MANBA: variants seen among roughly 807,000 people sequenced by gnomAD.
The protein encoded by MANBA is beta-mannosidase.
In MANBA, 83 loss-of-function variants were observed where a neutral mutation model predicts 111.1. The observed-to-expected ratio is 0.75, with a 90% CI of 0.63 to 0.90. The LOEUF (loss-of-function observed/expected upper bound fraction) is 0.90. MANBA is among the 40% of genes least tolerant of loss of function. The pLI is 0.00. For missense variants in MANBA, 1,036 were observed against 1,069.0 expected, an observed-to-expected ratio of 0.97 and a Z score of 0.43; for synonymous variants, 370 against 378.7, an observed-to-expected ratio of 0.98 and a Z score of 0.27.
intron 12 of MANBA, among the ~76,000 whole-genome samples, chr4:102,655,103 A>C (rs1303673021): frequency 1.3e-5 from 2 of 152,200 alleles, no homozygotes; most frequent in Middle Eastern, 3.2e-3. Context: ...AGCGTCAGGA[A>C]GAATAAAACA....
At chr4:102,700,185 C>A (rs1293194757) in intron 5 of MANBA, among the ~76,000 whole-genome samples, 2 of 150,704 alleles carry the variant, frequency 1.3e-5, no homozygotes, top group African/African-American at 4.9e-5. Flanking sequence ...GTTTGTATTT[C>A]TGTGGGATCG....
intron 1 of MANBA, among the ~76,000 whole-genome samples, chr4:102,760,279 C>T (rs1316861373): frequency 6.6e-6 from 1 of 152,124 alleles, no homozygotes; most frequent in Non-Finnish European, 1.5e-5. Context: ...CGCTTAACAG[C>T]GAAAATAAAA....
In MANBA at chr4:102,714,538, G is replaced by C. The variant is rs1447425009; in HGVS notation, c.573C>G (p.Asp191Glu). 1 of 1,608,676 alleles carries C rather than the reference G, an allele frequency of 6.2e-7. No homozygotes were observed. Among genetic ancestry groups the C allele is most frequent in the African/African-American group, 1.3e-5 (1 of 74,756 alleles). Residue 191 changes from aspartate (D) to glutamate (E), a missense_variant, in exon 5 of 17, where the codon GAC (aspartate) becomes GAG (glutamate). Asp to Glu is a conservative substitution (Grantham distance 45, BLOSUM62 2). Transcript: ENST00000647097. ...VRKEQCSFSW[D>E]WGPSFPTQGI... ...CCTGGGTAGGAAAGGAAGGCCCCCA[G>C]TCCCAACTAAAGGAACATTGCTCCT...
chr4:102,733,896 G>A (rs1342187926), intron 1 of MANBA, among the ~76,000 whole-genome samples: 2 of 152,134 alleles, frequency 1.3e-5, no homozygotes, highest in Non-Finnish European at 2.9e-5. Context: ...CTTTTGACAT[G>A]GAAAAGAAAA....
In MANBA at chr4:102,722,958, C is replaced by T. The variant is rs1722643272; in HGVS notation, c.462G>A (p.Gln154=). 5 of 1,614,140 alleles carry T rather than the reference C, an allele frequency of 3.1e-6. No homozygotes were observed. The East Asian group carries it at 1.1e-4, about 36-fold the overall frequency. Residue 154 remains glutamine (Q), a synonymous_variant, in exon 4 of 17, where the codon CAG becomes CAA. Coordinates refer to ENST00000647097, the MANE Select transcript of MANBA (RefSeq NM_005908.4). ...FQSAVLYAAQ[Q]SKAHTRYQVP... ...CCTGGTAGCGAGTGTGAGCTTTGCT[C>T]TGCTGTGCTGCATACAACACCGCTG...
intron 14 of MANBA, 91 bp downstream of exon 14, chr4:102,639,622 T>G: frequency 6.5e-7 from 1 of 1,543,756 alleles, no homozygotes; most frequent in Non-Finnish European, 8.9e-7. Context: ...CTGCCTGGGC[T>G]AATCTGACCC....
intron 11 of MANBA, 82 bp downstream of exon 11, chr4:102,664,603 G>T: frequency 8.0e-7 from 1 of 1,246,302 alleles, no homozygotes; most frequent in Non-Finnish European, 1.2e-6. Context: ...CTCCCAAAGT[G>T]CTGGGATTAC....
At chr4:102,753,851 G>A (rs1045884625) in intron 1 of MANBA, 1 of 378,818 alleles carries the variant, frequency 2.6e-6, no homozygotes, top group Non-Finnish European at 5.2e-6. Context: ...GACAGGCCGA[G>A]GTGGGCGGAT....
intron 7 of MANBA, chr4:102,682,887 G>A (rs1732048176): frequency 6.6e-6 from 1 of 152,162 alleles, no homozygotes; most frequent in Non-Finnish European, 1.5e-5. Flanking sequence ...CCAAGACTGT[G>A]AGAAAATAAA....
At chr4:102,656,919 G>A (rs534831107) in intron 12 of MANBA, among the ~76,000 whole-genome samples, 67 of 152,268 alleles carry the variant, frequency 4.4e-4, no homozygotes, top group Non-Finnish European at 7.1e-4. Context: ...AAACTGGGGA[G>A]GAGGGATAGG....
At chr4:102,688,497 T>A (rs1170366013) in intron 7 of MANBA, among the ~76,000 whole-genome samples, 2 of 151,958 alleles carry the variant, frequency 1.3e-5, no homozygotes, top group South Asian at 2.1e-4. Context: ...CATATCTCCA[T>A]CCTTAGCATG....
At chr4:102,670,801 G>A (rs1315747841) in intron 9 of MANBA, 2 of 153,378 alleles carry the variant, frequency 1.3e-5, no homozygotes, top group Non-Finnish European at 2.9e-5. Flanking sequence ...GGGTGGAGGA[G>A]GGTGCAGTAA....
intron 1 of MANBA, chr4:102,751,990 G>A (rs1157805900): frequency 2.7e-6 from 2 of 728,158 alleles, no homozygotes; most frequent in Non-Finnish European, 5.2e-6. Context: ...TATAGCTGTT[G>A]ATAGCTCAGG....
At chr4:102,722,756 T>A in intron 4 of MANBA, 115 bp downstream of exon 4, 1 of 1,053,670 alleles carries the variant, frequency 9.5e-7, no homozygotes, top group Non-Finnish European at 1.5e-6. Context: ...CACTAAGGGA[T>A]CAGGAAAGAG....
At chr4:102,731,960 T>C (rs1378796814) in intron 1 of MANBA, among the ~76,000 whole-genome samples, 1 of 151,426 alleles carries the variant, frequency 6.6e-6, no homozygotes, top group Non-Finnish European at 1.5e-5. Context: ...CAGGCTGGAG[T>C]GTAATGGCGC....
chr4:102,752,689 G>A (rs902568752), intron 1 of MANBA: 1 of 479,924 alleles, frequency 2.1e-6, no homozygotes, highest in Non-Finnish European at 4.2e-6. Context: ...AAATGAACTT[G>A]GTAGAAAATC....
chr4:102,693,235 T>C (rs905374098), intron 5 of MANBA, among the ~76,000 whole-genome samples: 2 of 152,162 alleles, frequency 1.3e-5, no homozygotes, highest in African/African-American at 4.8e-5. Flanking sequence ...CTCTATTCAA[T>C]AGGTTGTCAA....
At chr4:102,708,387 C>T (rs1315451830) in intron 5 of MANBA, among the ~76,000 whole-genome samples, 2 of 151,962 alleles carry the variant, frequency 1.3e-5, no homozygotes, top group African/African-American at 4.8e-5. Context: ...AATTAAACAA[C>T]ATGCTCTGAA....
chr4:102,729,586 T>G, intron 1 of MANBA: 2 of 903,692 alleles, frequency 2.2e-6, no homozygotes, highest in Non-Finnish European at 3.7e-6. Flanking sequence ...ATCCTCTTGA[T>G]GAGGACAAAT....
Sources: allele counts gnomAD v4.1 joint callset (sites outside exome capture counted in the v4.1 genomes callset), GRCh38; gene constraint gnomAD v4.1.1; transcripts MANE v1.5; gene names NCBI Gene and HGNC (gene_info 2026-07-23, HGNC 2026-07-21).